Variants in SH3KBP1 observed in about 807,000 individuals in gnomAD.
The protein encoded by SH3KBP1 is SH3 domain-containing kinase-binding protein 1.
SH3KBP1 carries 8 observed loss-of-function variants against 50.1 expected under a neutral mutation model. The observed-to-expected ratio is 0.16, with a 90% confidence interval of 0.09 to 0.29. The LOEUF (loss-of-function observed/expected upper bound fraction) is 0.29, where lower values mean the gene tolerates loss of function less well. Ranked by LOEUF, SH3KBP1 falls within the 10% of genes least tolerant of loss-of-function variation. The probability of loss-of-function intolerance (pLI) is 1.00; values close to 1 mark genes in which losing one functional copy is unlikely to be tolerated. For missense variants in SH3KBP1, 377 were observed against 535.2 expected (o/e 0.70, Z 2.92); for synonymous variants, 227 against 218.6 (o/e 1.04, Z -0.34).
chrX:19,855,293 T>A (rs1247692902), intron 1 of SH3KBP1, among the ~76,000 whole-genome samples: 5 of 112,059 alleles, frequency 4.5e-5, no homozygotes, highest in South Asian at 7.3e-4. Context: ...CGGTAAGCTT[T>A]TTCTTAAAGA....
chrX:19,707,617 C>T (rs961417137), intron 3 of SH3KBP1, among the ~76,000 whole-genome samples: 1 of 111,336 alleles, frequency 9.0e-6, no homozygotes, highest in Admixed American at 9.5e-5. Flanking sequence ...CAGCTACTTA[C>T]GCAGAACCAA....
chrX:19,828,542 G>A (rs977551100), intron 2 of SH3KBP1, among the ~76,000 whole-genome samples: 1 of 110,982 alleles, frequency 9.0e-6, no homozygotes, highest in African/African-American at 3.3e-5. Flanking sequence ...AGCACTTTGG[G>A]AGGCTGAGGC....
intron 7 of SH3KBP1, among the ~76,000 whole-genome samples, chrX:19,632,796 A>G (rs1489082962): frequency 2.7e-5 from 3 of 112,741 alleles, no homozygotes; most frequent in Non-Finnish European, 5.6e-5. Flanking sequence ...TCGGAAATGG[A>G]GACTTGGAAA....
At chrX:19,732,882 C>T (rs973649857) in intron 3 of SH3KBP1, among the ~76,000 whole-genome samples, 2 of 111,414 alleles carry the variant, frequency 1.8e-5, no homozygotes, top group African/African-American at 6.5e-5. Context: ...GGGAAAGATC[C>T]TATTTACAAA....
intron 12 of SH3KBP1, among the ~76,000 whole-genome samples, chrX:19,583,125 CATTATTATTATT>C (rs200762944): frequency 1.5e-3 from 144 of 95,146 alleles, no homozygotes; most frequent in African/African-American, 4.1e-3. Flanking sequence ...TGCTAATACA[CATTATTATTATT>C]ATTATTATTA....
At chrX:19,542,668 G>A (rs2064957703) in intron 15 of SH3KBP1, among the ~76,000 whole-genome samples, 1 of 111,763 alleles carries the variant, frequency 8.9e-6, no homozygotes, top group Non-Finnish European at 1.9e-5. Flanking sequence ...AGACGGGCAG[G>A]CATCGCAAGC....
intron 5 of SH3KBP1, chrX:19,695,033 G>A: frequency 8.3e-7 from 1 of 1,201,392 alleles, no homozygotes; most frequent in Middle Eastern, 2.3e-4. Context: ...CAGAGAAGCT[G>A]GAGGGAGACC....
At chrX:19,699,481 G>A (rs1233750621) in intron 4 of SH3KBP1, among the ~76,000 whole-genome samples, 1 of 111,882 alleles carries the variant, frequency 8.9e-6, no homozygotes, top group Non-Finnish European at 1.9e-5. Context: ...CAGCTCTGGA[G>A]CCCTTTGATT....
chrX:19,672,751 A>C (rs970006651), intron 6 of SH3KBP1, among the ~76,000 whole-genome samples: 1 of 111,526 alleles, frequency 9.0e-6, no homozygotes, highest in African/African-American at 3.3e-5. Flanking sequence ...TAAAGCATGG[A>C]TGTTAGTCAA....
chrX:19,632,812 G>C lies in SH3KBP1; in HGVS notation c.803-854C>G, dbSNP rs970479191. On this transcript the variant is annotated intron_variant, in intron 7 of 17. Transcript: ENST00000397821. ...CGGAAATGGAGACTTGGAAAACTAG[G>C]CCTTGATGATTCAGGACAGAAGGTG... 4.4e-5 allele frequency among the ~76,000 whole-genome samples: 5 copies of C among 112,425 alleles called. No individual in the cohort carries two copies. The Admixed American group carries it at 4.7e-4, about 11-fold the overall frequency.
chrX:19,652,380 C>G (rs1393155875), intron 6 of SH3KBP1, among the ~76,000 whole-genome samples: 1 of 111,452 alleles, frequency 9.0e-6, no homozygotes, highest in Non-Finnish European at 1.9e-5. Flanking sequence ...TCCAAATACT[C>G]CTCATATTAG....
intron 6 of SH3KBP1, among the ~76,000 whole-genome samples, chrX:19,661,586 CA>C (rs1352813898): frequency 1.0e-5 from 1 of 96,565 alleles, no homozygotes; most frequent in Non-Finnish European, 2.1e-5. Context: ...AATGTTTCTA[CA>C]AACTAGTTAT....
intron 1 of SH3KBP1, among the ~76,000 whole-genome samples, chrX:19,885,632 G>A (rs2069566180): frequency 9.1e-6 from 1 of 109,981 alleles, no homozygotes; most frequent in African/African-American, 3.3e-5. Flanking sequence ...CTGGCCATGG[G>A]AGAAGACATT....
At chrX:19,865,546 C>T (rs1467042622) in intron 1 of SH3KBP1, among the ~76,000 whole-genome samples, 1 of 112,035 alleles carries the variant, frequency 8.9e-6, no homozygotes, top group Non-Finnish European at 1.9e-5. Flanking sequence ...TGACAAAGGT[C>T]TTGCTCAGTG....
intron 2 of SH3KBP1, among the ~76,000 whole-genome samples, chrX:19,770,705 A>AT (rs764474915): frequency 0.011 from 1,063 of 96,798 alleles, 10 homozygotes; most frequent in African/African-American, 0.032. Flanking sequence ...CCAGCATGTT[A>AT]TTTTTTTTTT....
intron 14 of SH3KBP1, 144 bp downstream of exon 14, chrX:19,549,830 T>C (rs2065188463): frequency 2.2e-6 from 1 of 445,454 alleles, no homozygotes; most frequent in Non-Finnish European, 3.9e-6. Flanking sequence ...TCACTTTTGG[T>C]TGGCAGTGTA....
chrX:19,547,541 A>C (rs2065121712), intron 14 of SH3KBP1, among the ~76,000 whole-genome samples: 1 of 112,374 alleles, frequency 8.9e-6, no homozygotes, highest in South Asian at 3.7e-4. Flanking sequence ...CTGAAAATCC[A>C]ATTACCTAGA....
intron 12 of SH3KBP1, among the ~76,000 whole-genome samples, chrX:19,581,873 A>AG (rs1422131248): frequency 8.5e-5 from 9 of 105,529 alleles, no homozygotes; most frequent in African/African-American, 2.8e-4. Flanking sequence ...AAAAAAAAAA[A>AG]GCGATTCCAC....
At chrX:19,642,692 G>A (rs894826770) in intron 7 of SH3KBP1, among the ~76,000 whole-genome samples, 2 of 111,806 alleles carry the variant, frequency 1.8e-5, no homozygotes, top group Non-Finnish European at 3.8e-5. Context: ...TGAGCTGGAG[G>A]AACCTCAGGG....
Sources: gnomAD v4.1 joint callset for allele counts (sites outside exome capture counted in the v4.1 genomes callset) on GRCh38, gnomAD v4.1.1 for gene constraint, MANE v1.5 for transcripts, NCBI Gene and HGNC (gene_info 2026-07-23, HGNC 2026-07-21) for gene names.